The following ROBO1 variants were observed in gnomAD, a reference collection of about 807,000 sequenced individuals.
The protein encoded by ROBO1 is roundabout homolog 1.
In ROBO1, 149 loss-of-function variants were observed where a neutral mutation model predicts 195.9. The ratio of observed to expected loss-of-function variants is 0.76; its 90% CI spans 0.67 to 0.87. ROBO1 has a LOEUF of 0.87. Ranked by LOEUF, ROBO1 falls within the 40% of genes least tolerant of loss-of-function variation. The probability of loss-of-function intolerance (pLI) is 0.00; values close to 1 mark genes in which losing one functional copy is unlikely to be tolerated. For missense variants in ROBO1, 1,933 were observed against 2,068.3 expected (o/e 0.93, Z 1.27); for synonymous variants, 816 against 733.2 (o/e 1.11, Z -1.82).
chr3:78,612,736 C>G (rs189599040), intron 28 of ROBO1, among the ~76,000 whole-genome samples: 22 of 152,250 alleles, frequency 1.4e-4, no homozygotes, highest in Non-Finnish European at 2.9e-5. Flanking sequence ...AAAGTGAATG[C>G]TGTAATAGCT....
chr3:79,697,502 A>G (rs370375083), intron 1 of ROBO1, among the ~76,000 whole-genome samples: 2 of 151,624 alleles, frequency 1.3e-5, no homozygotes, highest in South Asian at 2.1e-4. Context: ...AATAAATATC[A>G]AAGTATGGAA....
chr3:79,223,723 G>T (rs2082180059), intron 2 of ROBO1, among the ~76,000 whole-genome samples: 1 of 152,130 alleles, frequency 6.6e-6, no homozygotes, highest in South Asian at 2.1e-4. Flanking sequence ...TGAAATTAGT[G>T]ATGAATCTAC....
intron 2 of ROBO1, among the ~76,000 whole-genome samples, chr3:79,280,148 A>G (rs867981941): frequency 2.8e-4 from 42 of 152,304 alleles, no homozygotes; most frequent in African/African-American, 9.6e-4. Flanking sequence ...ACAAAACTAA[A>G]GTTAGACAGG....
At chr3:78,836,960 C>T (rs2106688173) in intron 4 of ROBO1, among the ~76,000 whole-genome samples, 1 of 152,180 alleles carries the variant, frequency 6.6e-6, no homozygotes, top group East Asian at 1.9e-4. Flanking sequence ...AACTTTCTGT[C>T]CATTTATTAA....
At chr3:79,445,132 T>C (rs537139324) in intron 2 of ROBO1, among the ~76,000 whole-genome samples, 1 of 152,202 alleles carries the variant, frequency 6.6e-6, no homozygotes, top group South Asian at 2.1e-4. Context: ...CTCATTCCAG[T>C]TGTTTGCATA....
intron 2 of ROBO1, among the ~76,000 whole-genome samples, chr3:79,343,276 G>C (rs1162256413): frequency 6.6e-6 from 1 of 151,938 alleles, no homozygotes; most frequent in African/African-American, 2.4e-5. Flanking sequence ...AGCTTGCTTC[G>C]AAGTTTGGCA....
intron 1 of ROBO1, among the ~76,000 whole-genome samples, chr3:79,628,495 T>C (rs1945248251): frequency 6.6e-6 from 1 of 151,908 alleles, no homozygotes. Flanking sequence ...GGATGAGGGC[T>C]GAGGGAAGGG....
chr3:79,466,736 T>C (rs1366986971), intron 2 of ROBO1, among the ~76,000 whole-genome samples: 13 of 152,170 alleles, frequency 8.5e-5, no homozygotes, highest in Non-Finnish European at 1.3e-4. Context: ...GCCAGAAAAA[T>C]GTTAATTCAC....
chr3:79,418,939 T>C (rs1243988489), intron 2 of ROBO1, among the ~76,000 whole-genome samples: 1 of 152,138 alleles, frequency 6.6e-6, no homozygotes, highest in African/African-American at 2.4e-5. Flanking sequence ...AAAGTCCCCA[T>C]TTGTCAAGGA....
At chr3:79,602,998 T>C (rs1944382481) in intron 1 of ROBO1, among the ~76,000 whole-genome samples, 1 of 152,024 alleles carries the variant, frequency 6.6e-6, no homozygotes, top group South Asian at 2.1e-4. Context: ...TATACACACA[T>C]ACATTCACTG....
chr3:79,631,086 C>G (rs918578017), intron 1 of ROBO1, among the ~76,000 whole-genome samples: 9 of 151,768 alleles, frequency 5.9e-5, no homozygotes, highest in African/African-American at 2.2e-4. Context: ...AATCAATCAA[C>G]AGATTCAATG....
chr3:78,722,080 A>G (rs991500829), intron 5 of ROBO1, among the ~76,000 whole-genome samples: 2 of 152,162 alleles, frequency 1.3e-5, no homozygotes, highest in African/African-American at 4.8e-5. Flanking sequence ...CTATTACTAT[A>G]GCTCCAATTA....
chr3:79,108,745 T>C (rs2079830656), intron 3 of ROBO1, among the ~76,000 whole-genome samples: 1 of 151,878 alleles, frequency 6.6e-6, no homozygotes, highest in South Asian at 2.1e-4. Context: ...CTTCAGAACA[T>C]ATTTATTAAT....
intron 3 of ROBO1, among the ~76,000 whole-genome samples, chr3:78,941,918 T>C (rs926835168): frequency 1.3e-5 from 2 of 151,984 alleles, no homozygotes; most frequent in African/African-American, 2.4e-5. Context: ...TCAAGGCTGG[T>C]TTTAAAGAGC....
At chr3:79,596,980 A>G (rs904189125) in intron 1 of ROBO1, among the ~76,000 whole-genome samples, 1 of 152,078 alleles carries the variant, frequency 6.6e-6, no homozygotes, top group Admixed American at 6.6e-5. Flanking sequence ...AATAGAAATA[A>G]ACATTAACTA....
At chr3:78,884,621 GAGAGAAAGAAAGAGAA>G (rs1263768280) in intron 4 of ROBO1, among the ~76,000 whole-genome samples, 1 of 120,906 alleles carries the variant, frequency 8.3e-6, no homozygotes. Context: ...GAGAAAGAAA[GAGAGAAAGAAAGAGAA>G]AGAAAGAAAG....
At chr3:79,155,636 G>T (rs1027362668) in intron 2 of ROBO1, among the ~76,000 whole-genome samples, 2 of 151,632 alleles carry the variant, frequency 1.3e-5, no homozygotes, top group Non-Finnish European at 3.0e-5. Context: ...CACATTTCCC[G>T]TGGATTATTT....
chr3:79,700,315 G>GTTTT (rs71630133), intron 1 of ROBO1, among the ~76,000 whole-genome samples: 1 of 97,130 alleles, frequency 1.0e-5, no homozygotes, highest in Non-Finnish European at 2.1e-5. Flanking sequence ...GTGTGTGTGT[G>GTTTT]TTTGTGTGTG....
intron 2 of ROBO1, among the ~76,000 whole-genome samples, chr3:79,269,806 T>C (rs2030354066): frequency 1.3e-5 from 2 of 151,690 alleles, no homozygotes; most frequent in African/African-American, 2.4e-5. Context: ...TTAAAACAAC[T>C]CCCATCAACA....
Sources: allele counts gnomAD v4.1 joint callset (sites outside exome capture counted in the v4.1 genomes callset), GRCh38; gene constraint gnomAD v4.1.1; transcripts MANE v1.5; gene names NCBI Gene and HGNC (gene_info 2026-07-23, HGNC 2026-07-21).